The following SEMA6D variants were observed in gnomAD, a reference collection of about 807,000 sequenced individuals.
SEMA6D encodes semaphorin-6D.
A neutral mutation model predicts 106.6 loss-of-function variants in SEMA6D; 35 were observed. The observed-to-expected ratio is 0.33, with a 90% CI of 0.25 to 0.44. The LOEUF is 0.44. Among genes scored for constraint, SEMA6D ranks in the 20% least tolerant of loss-of-function variants. The pLI is 1.00. For missense variants in SEMA6D, 1,185 were observed against 1,345.9 expected (o/e 0.88, Z 1.87); for synonymous variants, 499 against 487.7 (o/e 1.02, Z -0.31).
At chr15:47,203,442 T>C (rs1450374479) in intron 1 of SEMA6D, among the ~76,000 whole-genome samples, 1 of 152,192 alleles carries the variant, frequency 6.6e-6, no homozygotes, top group Non-Finnish European at 1.5e-5. Context: ...CATCTGTTCT[T>C]CTGAGGGCAG....
intron 1 of SEMA6D, among the ~76,000 whole-genome samples, chr15:47,302,087 C>T (rs1189478407): frequency 6.6e-6 from 1 of 152,076 alleles, no homozygotes; most frequent in East Asian, 1.9e-4. Flanking sequence ...CAGTTTATCC[C>T]CTTAATTCTT....
chr15:47,516,262 C>T (rs966403625), intron 3 of SEMA6D, among the ~76,000 whole-genome samples: 1 of 152,080 alleles, frequency 6.6e-6, no homozygotes, highest in Non-Finnish European at 1.5e-5. Flanking sequence ...TGCTGAACCG[C>T]CAGATACTTT....
intron 1 of SEMA6D, among the ~76,000 whole-genome samples, chr15:47,356,050 AG>A (rs1266728010): frequency 1.3e-5 from 2 of 152,224 alleles, no homozygotes; most frequent in Non-Finnish European, 2.9e-5. Flanking sequence ...GGGAATTGGC[AG>A]CCCCCTTGGG....
In SEMA6D at chr15:47,440,877, T is replaced by A. The variant is rs1238445209; in HGVS notation, c.-159+28405T>A. On this transcript the variant is annotated intron_variant, in intron 2 of 19. Coordinates refer to the SEMA6D transcript ENST00000558014. Reference sequence around the variant, plus strand: ...AGAATTGTGACACATTTTTATGGAATCTGCTGGAGAATCTGTTGCTAGGAT... The same window carrying A: ...AGAATTGTGACACATTTTTATGGAAACTGCTGGAGAATCTGTTGCTAGGAT... Among the ~76,000 whole-genome samples, 3 of 152,112 alleles carry A rather than the reference T, an allele frequency of 2.0e-5. No homozygotes were observed. In the East Asian group the frequency reaches 5.8e-4, roughly 29 times the overall value.
At chr15:47,703,034 A>T (rs1886317889) in intron 4 of SEMA6D, among the ~76,000 whole-genome samples, 1 of 152,216 alleles carries the variant, frequency 6.6e-6, no homozygotes, top group African/African-American at 2.4e-5. Flanking sequence ...AAAAAAACAG[A>T]TGGAAAGATT....
intron 1 of SEMA6D, among the ~76,000 whole-genome samples, chr15:47,347,487 T>C (rs552219265): frequency 6.6e-6 from 1 of 152,370 alleles, no homozygotes; most frequent in Admixed American, 6.5e-5. Flanking sequence ...TGGGCATCCA[T>C]AATCACAGTG....
chr15:47,327,703 G>C (rs2037186345), intron 1 of SEMA6D, among the ~76,000 whole-genome samples: 2 of 152,166 alleles, frequency 1.3e-5, no homozygotes, highest in Non-Finnish European at 2.9e-5. Flanking sequence ...GGAAAACATG[G>C]CATGCTGTGT....
intron 3 of SEMA6D, among the ~76,000 whole-genome samples, chr15:47,583,776 C>T (rs540712881): frequency 3.0e-4 from 46 of 152,146 alleles, no homozygotes; most frequent in Admixed American, 5.2e-4. Flanking sequence ...AAAGGGGAAG[C>T]GTGACAGCTG....
chr15:47,218,788 A>C (rs1215439772), intron 1 of SEMA6D, among the ~76,000 whole-genome samples: 1 of 152,218 alleles, frequency 6.6e-6, no homozygotes, highest in Non-Finnish European at 1.5e-5. Flanking sequence ...TCTAACGGTC[A>C]CAGTAACTCT....
chr15:47,389,677 G>A (rs1392242002), intron 1 of SEMA6D, among the ~76,000 whole-genome samples: 1 of 152,012 alleles, frequency 6.6e-6, no homozygotes, highest in African/African-American at 2.4e-5. Context: ...CATTATTGTA[G>A]AAAAAAATAG....
At chr15:47,321,853 C>G (rs1322315984) in intron 1 of SEMA6D, among the ~76,000 whole-genome samples, 1 of 152,108 alleles carries the variant, frequency 6.6e-6, no homozygotes, top group Non-Finnish European at 1.5e-5. Flanking sequence ...CAATCTTTCT[C>G]CTACTCTGCT....
intron 1 of SEMA6D, among the ~76,000 whole-genome samples, chr15:47,379,535 G>A (rs1162466300): frequency 6.6e-6 from 1 of 152,134 alleles, no homozygotes; most frequent in Non-Finnish European, 1.5e-5. Flanking sequence ...CAACTGAGAT[G>A]AGGCAAATTG....
intron 3 of SEMA6D, among the ~76,000 whole-genome samples, chr15:47,499,836 T>C (rs1356141463): frequency 6.6e-6 from 1 of 152,080 alleles, no homozygotes; most frequent in Non-Finnish European, 1.5e-5. Flanking sequence ...GGCTCACAGA[T>C]GGTGGTGTGA....
intron 3 of SEMA6D, among the ~76,000 whole-genome samples, chr15:47,534,284 G>A (rs752488618): frequency 1.2e-4 from 19 of 152,002 alleles, no homozygotes; most frequent in African/African-American, 1.7e-4. Context: ...TCTGCCTCCC[G>A]GGTTCAAGTG....
At chr15:47,316,257 T>G (rs2036673777) in intron 1 of SEMA6D, among the ~76,000 whole-genome samples, 1 of 151,764 alleles carries the variant, frequency 6.6e-6, no homozygotes, top group Admixed American at 6.6e-5. Context: ...CACGCCTAGC[T>G]AATTGTATAT....
chr15:47,701,711 T>C (rs2078815870), intron 4 of SEMA6D, among the ~76,000 whole-genome samples: 1 of 152,224 alleles, frequency 6.6e-6, no homozygotes. Context: ...TAGAAATATG[T>C]AATGTAGCAT....
At chr15:47,708,669 T>C (rs1226654636) in intron 4 of SEMA6D, among the ~76,000 whole-genome samples, 1 of 152,238 alleles carries the variant, frequency 6.6e-6, no homozygotes, top group East Asian at 1.9e-4. Context: ...ACAGTAAGGA[T>C]ACCAAGACCT....
intron 4 of SEMA6D, among the ~76,000 whole-genome samples, chr15:47,610,899 A>C (rs1005103095): frequency 1.3e-5 from 2 of 152,234 alleles, no homozygotes; most frequent in Non-Finnish European, 2.9e-5. Context: ...GAAGTGGATT[A>C]AGTTATTTAA....
intron 1 of SEMA6D, among the ~76,000 whole-genome samples, chr15:47,323,666 G>A (rs1005738868): frequency 6.6e-6 from 1 of 152,134 alleles, no homozygotes; most frequent in African/African-American, 2.4e-5. Flanking sequence ...GCTTGAAGGC[G>A]GAGTTTCACC....
Sources: gnomAD v4.1 joint callset for allele counts (sites outside exome capture counted in the v4.1 genomes callset) on GRCh38, gnomAD v4.1.1 for gene constraint, MANE v1.5 for transcripts, NCBI Gene and HGNC (gene_info 2026-07-23, HGNC 2026-07-21) for gene names.